The following RGS3 variants were observed in gnomAD, a reference collection of about 807,000 sequenced individuals.
RGS3 encodes regulator of G-protein signalling 3.
In RGS3, 80 loss-of-function variants were observed where a neutral mutation model predicts 132.6. That is an observed-to-expected ratio of 0.60 (90% CI 0.50 to 0.73). The LOEUF is 0.73. Ranked by LOEUF, RGS3 falls within the 30% of genes least tolerant of loss-of-function variation. The pLI is 0.00. For synonymous variants in RGS3, 598 were observed against 620.6 expected, an observed-to-expected ratio of 0.96 and a Z score of 0.54; for missense variants, 1,382 against 1,530.8, an observed-to-expected ratio of 0.90 and a Z score of 1.62.
chr9:113,567,002 C>T (rs1323621402), intron 19 of RGS3, among the ~76,000 whole-genome samples: 1 of 152,248 alleles, frequency 6.6e-6, no homozygotes, highest in Non-Finnish European at 1.5e-5. Flanking sequence ...AGTTCCACAA[C>T]AGGGCTCACT....
intron 7 of RGS3, among the ~76,000 whole-genome samples, chr9:113,486,476 G>A (rs1830337604): frequency 1.3e-5 from 2 of 152,240 alleles, no homozygotes; most frequent in African/African-American, 4.8e-5. Context: ...GGCTGAAGTG[G>A]CCATTAGTGA....
chr9:113,517,837 A>G (rs1232129779), intron 16 of RGS3, among the ~76,000 whole-genome samples: 3 of 152,048 alleles, frequency 2.0e-5, no homozygotes, highest in Admixed American at 2.0e-4. Flanking sequence ...TCCTTCTTTG[A>G]TGGTTAGAAA....
chr9:113,584,009 G>A, exon 20 of RGS3: 1 of 1,614,156 alleles, frequency 6.2e-7, no homozygotes, highest in Non-Finnish European at 8.5e-7. Flanking sequence ...AGCACCTACA[G>A]CCAGAAGGCA....
At chr9:113,559,010 AG>A (rs1224343020) in intron 19 of RGS3, among the ~76,000 whole-genome samples, 2 of 152,236 alleles carry the variant, frequency 1.3e-5, no homozygotes, top group African/African-American at 2.4e-5. Context: ...GCCTTGCCCC[AG>A]GGTTCGCAGA....
exon 22 of RGS3, chr9:113,594,524 T>C: frequency 6.2e-7 from 1 of 1,612,358 alleles, no homozygotes; most frequent in Non-Finnish European, 8.5e-7. Flanking sequence ...AATGATGAAG[T>C]CATTCAAGTA....
chr9:113,562,936 T>C (rs1247136803), intron 19 of RGS3, among the ~76,000 whole-genome samples: 7 of 152,242 alleles, frequency 4.6e-5, no homozygotes, highest in African/African-American at 1.4e-4. Context: ...TGGCTGCCAG[T>C]GACTCCCCTA....
Position 113,517,524 on chromosome 9 carries a change from G to T in RGS3, c.1675-17G>T. 1 of 1,610,574 alleles carries T rather than the reference G, an allele frequency of 6.2e-7. No homozygotes were observed. On this transcript the variant is annotated splice_polypyrimidine_tract_variant and intron_variant, in intron 15 of 24. Coordinates refer to ENST00000350696, the Ensembl canonical transcript of RGS3. Reference sequence around the variant, plus strand: ...AGCCTCTTTTTGAACTGCCCACTCAGCCTGCTTTATTTCCAGCCTCTAGAT... The same window carrying T: ...AGCCTCTTTTTGAACTGCCCACTCATCCTGCTTTATTTCCAGCCTCTAGAT...
At chr9:113,518,679 G>A (rs916415233) in intron 16 of RGS3, among the ~76,000 whole-genome samples, 4 of 152,192 alleles carry the variant, frequency 2.6e-5, no homozygotes, top group South Asian at 4.2e-4. Flanking sequence ...CCCTTCCACC[G>A]CTCGCTGTTG....
chr9:113,575,547 G>T (rs1588275610), intron 19 of RGS3, among the ~76,000 whole-genome samples: 1 of 152,276 alleles, frequency 6.6e-6, no homozygotes, highest in East Asian at 1.9e-4. Context: ...TGCCTCTTCT[G>T]CACAGGCTCC....
chr9:113,501,611 C>T (rs138621725), intron 10 of RGS3: 336 of 1,561,796 alleles, frequency 2.2e-4, no homozygotes, highest in Non-Finnish European at 2.6e-4. Flanking sequence ...AAGGTGTGCT[C>T]GGAGCGCCGC....
chr9:113,519,511 A>T, intron 16 of RGS3, among the ~76,000 whole-genome samples: 1 of 92,616 alleles, frequency 1.1e-5, no homozygotes, highest in Non-Finnish European at 2.1e-5. Context: ...TACTCACACC[A>T]AAAAAAAAAA....
intron 19 of RGS3, among the ~76,000 whole-genome samples, chr9:113,554,165 T>TCA (rs1367928280): frequency 3.3e-5 from 5 of 152,108 alleles, no homozygotes; most frequent in African/African-American, 1.2e-4. Context: ...GCATTCCTAC[T>TCA]CACAGTGAAT....
chr9:113,525,471 C>T (rs1832160304), intron 17 of RGS3, among the ~76,000 whole-genome samples: 1 of 152,180 alleles, frequency 6.6e-6, no homozygotes, highest in Non-Finnish European at 1.5e-5. Flanking sequence ...AGACCTGCTG[C>T]AGCAGCAAGG....
rs1294934148 is a variant in RGS3, at chr9:113,550,704, G to T, written c.2037+13786G>T. ...GGTATATTGTTACATTTTTAAATAG[G>T]TTCTTTTTTTCGTTATTAGAGATGT... On this transcript the variant is annotated intron_variant, in intron 19 of 24. Transcript: ENST00000350696. 3.3e-5 allele frequency among the ~76,000 whole-genome samples: 5 copies of T among 152,182 alleles called. No homozygotes were observed. In the East Asian group the frequency reaches 7.7e-4, roughly 24 times the overall value.
At position 113,463,643 on chromosome 9, in the gene RGS3, G is replaced by C; in HGVS notation, c.415+1442G>C. On this transcript the variant is annotated intron_variant, in intron 3 of 24. Transcript: ENST00000350696. This position sits in a 1 kb window ranked among gnomAD's most constrained non-coding sequence, Gnocchi z 4.6. ...GGTGGAACTCTCCCCATTCAAACCC[G>C]CGCGGGCCAATCAGGGCCGGGCGCG... is the stretch of plus-strand genomic sequence containing the variant. The C allele has an allele frequency of 8.9e-7, 1 of 1,125,082 alleles. No homozygotes were observed. The highest frequency in any genetic ancestry group is 1.1e-6 in the Non-Finnish European group (1 of 900,446). 69.7% of individuals were successfully genotyped at this position (1,125,082 alleles called of 1,614,324 possible). A position where few individuals can be genotyped will look rare whatever the true frequency, so the allele number is the denominator to read the frequency against.
chr9:113,556,143 G>A (rs887276201), intron 19 of RGS3, among the ~76,000 whole-genome samples: 2 of 152,138 alleles, frequency 1.3e-5, no homozygotes, highest in African/African-American at 4.8e-5. Context: ...TTTAAGAGCA[G>A]TTTTTCCTTG....
intron 15 of RGS3, 103 bp downstream of exon 13, chr9:113,514,757 G>A: frequency 1.8e-6 from 2 of 1,130,102 alleles, no homozygotes; most frequent in Non-Finnish European, 1.3e-6. Context: ...AGGACTGAGG[G>A]CCCTGTTTTG....
intron 19 of RGS3, chr9:113,542,106 C>CTG (rs1314592290): frequency 6.5e-6 from 1 of 154,548 alleles, no homozygotes; most frequent in Non-Finnish European, 1.4e-5. Flanking sequence ...ACTTAGAGTG[C>CTG]TGTGTGTGGG....
intron 10 of RGS3, among the ~76,000 whole-genome samples, chr9:113,498,733 G>A (rs555122271): frequency 2.9e-4 from 44 of 152,122 alleles, no homozygotes; most frequent in Non-Finnish European, 5.7e-4. Context: ...TGGCCAACAC[G>A]GTGAAACCTT....
Sources: allele counts gnomAD v4.1 joint callset (sites outside exome capture counted in the v4.1 genomes callset), GRCh38; gene constraint gnomAD v4.1.1; non-coding constraint Gnocchi (gnomAD v3.1); transcripts MANE v1.5; gene names NCBI Gene and HGNC (gene_info 2026-07-23, HGNC 2026-07-21).